Variants in RASGRF2 observed in about 807,000 individuals in gnomAD.
The protein encoded by RASGRF2 is Ras protein specific guanine nucleotide releasing factor 2, also known as ras-specific guanine nucleotide-releasing factor 2.
In RASGRF2, 76 loss-of-function variants were observed where a neutral mutation model predicts 151.0. The observed-to-expected ratio is 0.50, with a 90% CI of 0.42 to 0.61. The LOEUF (loss-of-function observed/expected upper bound fraction) is 0.61, where lower values mean the gene tolerates loss of function less well. Ranked by LOEUF, RASGRF2 falls within the 20% of genes least tolerant of loss-of-function variation. RASGRF2 has a pLI of 0.00. For synonymous variants in RASGRF2, 504 were observed against 566.5 expected (o/e 0.89, Z 1.57); for missense variants, 1,148 against 1,564.6 (o/e 0.73, Z 4.49).
chr5:81,016,993 A>G (rs1056064558), intron 1 of RASGRF2, among the ~76,000 whole-genome samples: 2 of 152,192 alleles, frequency 1.3e-5, no homozygotes, highest in Admixed American at 6.5e-5. Context: ...GTATGACCAC[A>G]CTGGGTCGTA....
At chr5:81,035,279 G>A (rs1180595997) in intron 1 of RASGRF2, among the ~76,000 whole-genome samples, 1 of 152,174 alleles carries the variant, frequency 6.6e-6, no homozygotes, top group Non-Finnish European at 1.5e-5. Context: ...ATACTATGCA[G>A]CCATAAAAAA....
intron 7 of RASGRF2, among the ~76,000 whole-genome samples, chr5:81,081,502 C>T (rs1752085208): frequency 6.6e-6 from 1 of 152,188 alleles, no homozygotes; most frequent in Admixed American, 6.5e-5. Context: ...CCAAAATGTG[C>T]ATTGAATCTC....
chr5:81,008,921 T>C (rs1020954389), intron 1 of RASGRF2, among the ~76,000 whole-genome samples: 2 of 152,236 alleles, frequency 1.3e-5, no homozygotes, highest in African/African-American at 4.8e-5. Context: ...TGATCCATCC[T>C]TTTGTGGTTG....
intron 1 of RASGRF2, among the ~76,000 whole-genome samples, chr5:80,991,501 T>C (rs1748649639): frequency 6.6e-6 from 1 of 152,230 alleles, no homozygotes. Flanking sequence ...GAAGACCTTA[T>C]CAGCCTTTTC....
At chr5:81,073,585 ATTAC>A (rs989335278) in intron 5 of RASGRF2, 133 bp downstream of exon 5, 3 of 910,340 alleles carry the variant, frequency 3.3e-6, no homozygotes, top group African/African-American at 3.4e-5. Context: ...TAAGAAAGCT[ATTAC>A]TTGTGTTCCA....
chr5:81,193,760 C>G (rs1755200786), intron 18 of RASGRF2, among the ~76,000 whole-genome samples: 1 of 152,134 alleles, frequency 6.6e-6, no homozygotes, highest in South Asian at 2.1e-4. Flanking sequence ...CAGGTAGATT[C>G]ACCCGCCTCA....
At chr5:81,163,213 A>G (rs545199267) in intron 17 of RASGRF2, among the ~76,000 whole-genome samples, 1 of 152,190 alleles carries the variant, frequency 6.6e-6, no homozygotes, top group African/African-American at 2.4e-5. Context: ...AGCAGCAGGA[A>G]AATAGCCTCC....
intron 19 of RASGRF2, among the ~76,000 whole-genome samples, chr5:81,205,913 C>G (rs1383733665): frequency 6.6e-6 from 1 of 152,114 alleles, no homozygotes; most frequent in Admixed American, 6.5e-5. Context: ...ACCTGCCCAG[C>G]TAATTTTTTG....
At chr5:81,086,712 C>T in intron 8 of RASGRF2, 123 bp from the exon 9 acceptor site, 1 of 767,814 alleles carries the variant, frequency 1.3e-6, no homozygotes, top group East Asian at 2.7e-5. Flanking sequence ...CTATTTCCCC[C>T]AAACCCCCGG....
intron 4 of RASGRF2, 45 bp downstream of exon 4, chr5:81,070,626 T>A: frequency 2.0e-6 from 3 of 1,506,050 alleles, no homozygotes; most frequent in Non-Finnish European, 2.8e-6. Flanking sequence ...TGGTGACCAG[T>A]CGTCTGTTCT....
chr5:81,195,663 C>T (rs1030994105), intron 18 of RASGRF2, among the ~76,000 whole-genome samples: 3 of 151,814 alleles, frequency 2.0e-5, no homozygotes, highest in African/African-American at 7.3e-5. Context: ...CAGCATCACC[C>T]GGGAGCTTGT....
Position 80,996,471 on chromosome 5 carries a change from TTTC to T in RASGRF2, c.288+35476_288+35478del, listed in dbSNP as rs530555928. 1.2e-3 allele frequency among the ~76,000 whole-genome samples: 47 copies of T among 38,334 alleles called. 2 individuals are homozygous for T. The South Asian group carries it at 0.014, about 12-fold the overall frequency. The allele number at this position is 38,334 out of a possible 152,430, so 25.1% of individuals were successfully genotyped here. ...CAGGATACTTGGAAAATGTGTAAAG[TTTC>T]TTCTTCTTCTTCTTCTTCTTCTTCT... On this transcript the variant is annotated intron_variant, in intron 1 of 26. Coordinates refer to ENST00000265080, the MANE Select transcript of RASGRF2 (RefSeq NM_006909.3).
At chr5:80,974,327 C>A (rs1748038979) in intron 1 of RASGRF2, among the ~76,000 whole-genome samples, 1 of 152,244 alleles carries the variant, frequency 6.6e-6, no homozygotes, top group African/African-American at 2.4e-5. Context: ...GTCAGTTCTA[C>A]CCCCGAATGA....
chr5:81,080,323 T>C (rs27650), intron 6 of RASGRF2, 123 bp downstream of exon 6: 778,834 of 1,487,338 alleles, frequency 0.52, 205,481 homozygotes, highest in Admixed American at 0.56. Context: ...AGCTTCTGTA[T>C]CCCGGGACCC....
intron 2 of RASGRF2, among the ~76,000 whole-genome samples, chr5:81,061,703 T>G (rs928685707): frequency 4.6e-5 from 7 of 151,820 alleles, no homozygotes; most frequent in Non-Finnish European, 1.0e-4. Flanking sequence ...TTCCTTCCTT[T>G]CTGAGATAGG....
chr5:81,205,602 C>T (rs1561259352), intron 19 of RASGRF2, among the ~76,000 whole-genome samples: 2 of 152,196 alleles, frequency 1.3e-5, no homozygotes, highest in African/African-American at 2.4e-5. Context: ...CACAACAGAA[C>T]ATCACATCAT....
At chr5:81,178,476 G>C (rs1754833455) in intron 17 of RASGRF2, among the ~76,000 whole-genome samples, 1 of 152,176 alleles carries the variant, frequency 6.6e-6, no homozygotes, top group South Asian at 2.1e-4. Flanking sequence ...GAGACAATTG[G>C]ATATTGCGTA....
intron 17 of RASGRF2, among the ~76,000 whole-genome samples, chr5:81,160,248 C>T (rs931102650): frequency 1.3e-5 from 2 of 152,068 alleles, no homozygotes; most frequent in African/African-American, 2.4e-5. Context: ...GGTGAAACCC[C>T]GTCTCTACTA....
At position 81,067,921 on chromosome 5, in the gene RASGRF2, GAACA is replaced by G. The variant is rs752895975; in HGVS notation, c.396-105_396-102del. On this transcript the variant is annotated intron_variant, in intron 2 of 26. Coordinates refer to ENST00000265080, the MANE Select transcript of RASGRF2 (RefSeq NM_006909.3). The stretch of plus-strand genomic sequence containing the variant: ...ACATTTATGTCAAGTAGAGATAGCT[GAACA>G]AACAATGCTCATAACTTCTTTTTCA... 6.8e-4 allele frequency: 645 copies of G among 944,144 alleles called. 1 individual carries two copies. The highest frequency in any genetic ancestry group is 3.5e-3 in the South Asian group (91 of 26,052). The allele number at this position is 944,144 out of a possible 1,614,324, so 58.5% of individuals were successfully genotyped here.
Sources: gnomAD v4.1 joint callset for allele counts (sites outside exome capture counted in the v4.1 genomes callset) on GRCh38, gnomAD v4.1.1 for gene constraint, MANE v1.5 for transcripts, NCBI Gene and HGNC (gene_info 2026-07-23, HGNC 2026-07-21) for gene names.